SH3BGRL: variants seen among roughly 807,000 people sequenced by gnomAD.
SH3BGRL encodes adapter SH3BGRL.
SH3BGRL carries 7 observed loss-of-function variants against 9.8 expected under a neutral mutation model. The observed-to-expected ratio is 0.72, with a 90% CI of 0.41 to 1.35. SH3BGRL has a LOEUF of 1.35. Ranked by LOEUF, SH3BGRL falls within the 40% of genes most tolerant of loss-of-function variation. SH3BGRL has a pLI of 0.01. For synonymous variants in SH3BGRL, 36 were observed against 29.1 expected (o/e 1.24, Z -0.76); for missense variants, 73 against 84.4 (o/e 0.86, Z 0.53).
intron 1 of SH3BGRL, among the ~76,000 whole-genome samples, chrX:81,228,132 G>T: frequency 8.9e-6 from 1 of 112,057 alleles, no homozygotes; most frequent in South Asian, 3.7e-4. Context: ...TTATGAAGAG[G>T]TTTATTCTGA....
At chrX:81,274,433 A>G (rs1211000948) in intron 1 of SH3BGRL, among the ~76,000 whole-genome samples, 2 of 110,388 alleles carry the variant, frequency 1.8e-5, no homozygotes, top group African/African-American at 6.6e-5. Flanking sequence ...CAACATGGTG[A>G]AACCCCGTCT....
intron 1 of SH3BGRL, among the ~76,000 whole-genome samples, chrX:81,223,016 G>T (rs1438088165): frequency 9.0e-6 from 1 of 111,451 alleles, no homozygotes; most frequent in Non-Finnish European, 1.9e-5. Context: ...TTTTTGATGG[G>T]GTTGTTTGTT....
At chrX:81,262,313 A>G (rs1350924340) in intron 1 of SH3BGRL, among the ~76,000 whole-genome samples, 1 of 111,842 alleles carries the variant, frequency 8.9e-6, no homozygotes, top group Non-Finnish European at 1.9e-5. Flanking sequence ...TATCACCATC[A>G]ATAAGTCCGT....
chrX:81,215,385 C>T (rs1602594553), intron 1 of SH3BGRL, among the ~76,000 whole-genome samples: 1 of 111,041 alleles, frequency 9.0e-6, no homozygotes, highest in East Asian at 2.9e-4. Context: ...TAGGAATTAT[C>T]TTGCTTTCAC....
chrX:81,289,854 TCAAA>T (rs1477943907), intron 3 of SH3BGRL, among the ~76,000 whole-genome samples: 4 of 109,678 alleles, frequency 3.6e-5, no homozygotes, highest in Non-Finnish European at 7.6e-5. Context: ...TGAGACTGCC[TCAAA>T]CAAACAAAAA....
At chrX:81,215,659 C>A (rs950448732) in intron 1 of SH3BGRL, among the ~76,000 whole-genome samples, 1 of 111,142 alleles carries the variant, frequency 9.0e-6, no homozygotes, top group Admixed American at 9.6e-5. Context: ...AATTAGCATT[C>A]TCCTGTCCCC....
chrX:81,209,343 C>G (rs992189740), intron 1 of SH3BGRL, among the ~76,000 whole-genome samples: 3 of 111,844 alleles, frequency 2.7e-5, no homozygotes, highest in African/African-American at 9.7e-5. Context: ...AAAGACAACA[C>G]TTATTTATGC....
At chrX:81,246,655 T>TA (rs1198320683) in intron 1 of SH3BGRL, among the ~76,000 whole-genome samples, 4 of 111,328 alleles carry the variant, frequency 3.6e-5, no homozygotes, top group East Asian at 5.6e-4. Context: ...ATTTTTTTTT[T>TA]ATCTTAGTCA....
intron 1 of SH3BGRL, among the ~76,000 whole-genome samples, chrX:81,225,077 C>T (rs1207679523): frequency 9.0e-6 from 1 of 110,806 alleles, no homozygotes; most frequent in African/African-American, 3.3e-5. Flanking sequence ...CTATATTTCA[C>T]TCAATACTCA....
In SH3BGRL at chrX:81,250,417, A is replaced by AT. The variant is rs1424547645; in HGVS notation, c.46-26567_46-26566insT. Among the ~76,000 whole-genome samples, 3 of 110,742 alleles carry AT rather than the reference A, an allele frequency of 2.7e-5. No homozygotes were observed. The East Asian group carries it at 8.4e-4, about 31-fold the overall frequency. ...GCGAGACTCCGTCTCAAAAAAAAAA[A>AT]AAAATAAAATAAAAATAGAAAGAAA... On this transcript the variant is annotated intron_variant, in intron 1 of 3. Coordinates refer to ENST00000373212, the MANE Select transcript of SH3BGRL (RefSeq NM_003022.3).
At chrX:81,290,895 A>G (rs1040337315) in intron 3 of SH3BGRL, among the ~76,000 whole-genome samples, 3 of 111,016 alleles carry the variant, frequency 2.7e-5, no homozygotes, top group African/African-American at 9.8e-5. Flanking sequence ...AGAACAAAAT[A>G]CTGGCTATGG....
chrX:81,269,526 A>T (rs1482824170), intron 1 of SH3BGRL, among the ~76,000 whole-genome samples: 1 of 111,698 alleles, frequency 9.0e-6, no homozygotes, highest in African/African-American at 3.3e-5. Context: ...CTTTTCTTTA[A>T]GAATGTTGAA....
intron 1 of SH3BGRL, among the ~76,000 whole-genome samples, chrX:81,244,048 G>A (rs1602608180): frequency 8.9e-6 from 1 of 111,858 alleles, no homozygotes; most frequent in Non-Finnish European, 1.9e-5. Context: ...TGTTTTTACA[G>A]CACTTTATTA....
intron 2 of SH3BGRL, among the ~76,000 whole-genome samples, chrX:81,277,788 T>C (rs1411254881): frequency 9.0e-6 from 1 of 111,540 alleles, no homozygotes; most frequent in African/African-American, 3.3e-5. Flanking sequence ...AATAAATCAT[T>C]CTGCAGTTTT....
At chrX:81,205,094 G>C (rs1369741272) in intron 1 of SH3BGRL, among the ~76,000 whole-genome samples, 1 of 111,817 alleles carries the variant, frequency 8.9e-6, no homozygotes, top group Non-Finnish European at 1.9e-5. Context: ...CATTCTAGCT[G>C]TTTTTTCTAG....
At chrX:81,237,225 A>G (rs1224835140) in intron 1 of SH3BGRL, 4 of 359,693 alleles carry the variant, frequency 1.1e-5, no homozygotes, top group African/African-American at 2.6e-5. Flanking sequence ...AGCTTCATCA[A>G]TTTAACAACT....
chrX:81,265,332 G>T (rs1233368220), intron 1 of SH3BGRL, among the ~76,000 whole-genome samples: 2 of 107,907 alleles, frequency 1.9e-5, no homozygotes, highest in Non-Finnish European at 3.8e-5. Flanking sequence ...CCTACATTAG[G>T]TATTTCTCCC....
At chrX:81,231,860 T>A in intron 1 of SH3BGRL, among the ~76,000 whole-genome samples, 1 of 112,250 alleles carries the variant, frequency 8.9e-6, no homozygotes, top group Non-Finnish European at 1.9e-5. Flanking sequence ...ATTAATAAAA[T>A]CATTTGCATG....
intron 1 of SH3BGRL, among the ~76,000 whole-genome samples, chrX:81,231,732 G>A (rs146263810): frequency 1.9e-3 from 215 of 112,060 alleles, no homozygotes; most frequent in African/African-American, 6.5e-3. Context: ...ACCTTTTGGA[G>A]CTCAGTCAGC....
Sources: gnomAD v4.1 joint callset for allele counts (sites outside exome capture counted in the v4.1 genomes callset) on GRCh38, gnomAD v4.1.1 for gene constraint, MANE v1.5 for transcripts, NCBI Gene and HGNC (gene_info 2026-07-23, HGNC 2026-07-21) for gene names.